GPC6: variants seen among roughly 807,000 people sequenced by gnomAD.
The protein encoded by GPC6 is glypican 6, also known as glypican-6.
A neutral mutation model predicts 55.2 loss-of-function variants in GPC6; 14 were observed. That is an observed-to-expected ratio of 0.25 (90% CI 0.17 to 0.40). The LOEUF (loss-of-function observed/expected upper bound fraction) is 0.40, where lower values mean the gene tolerates loss of function less well. Ranked by LOEUF, GPC6 falls within the 10% of genes least tolerant of loss-of-function variation. The probability of loss-of-function intolerance (pLI) is 1.00; values close to 1 mark genes in which losing one functional copy is unlikely to be tolerated. For synonymous variants in GPC6, 278 were observed against 259.6 expected, an observed-to-expected ratio of 1.07 and a Z score of -0.68; for missense variants, 641 against 708.5, an observed-to-expected ratio of 0.90 and a Z score of 1.08.
intron 2 of GPC6, among the ~76,000 whole-genome samples, chr13:93,755,016 G>A (rs572506460): frequency 6.6e-6 from 1 of 152,252 alleles, no homozygotes; most frequent in Admixed American, 6.5e-5. Flanking sequence ...ATGTAGACAG[G>A]TACTTTTACA....
At position 93,967,105 on chromosome 13, in the gene GPC6, G is replaced by GT. The variant is rs145190078; in HGVS notation, c.712-60624_712-60623insT. ...TCCAAATACAGAAAAGGATGATGATGAAAAGTATTCACACATGTGGTGGTT... is the reference window on the plus strand; with the variant it reads ...TCCAAATACAGAAAAGGATGATGATGTAAAAGTATTCACACATGTGGTGGTT... On this transcript the variant is annotated intron_variant, in intron 3 of 8. Transcript: ENST00000377047. 9.6e-4 allele frequency among the ~76,000 whole-genome samples: 146 copies of GT among 152,292 alleles called. 1 individual carries two copies. The highest frequency in any genetic ancestry group is 3.4e-3 in the Middle Eastern group (1 of 294).
chr13:94,365,218 A>G (rs554370935), intron 6 of GPC6, among the ~76,000 whole-genome samples: 10 of 152,334 alleles, frequency 6.6e-5, no homozygotes, highest in African/African-American at 2.4e-4. Context: ...TGAAACCCAT[A>G]GAAAGACTTT....
At chr13:93,883,577 T>C (rs1454047275) in intron 3 of GPC6, among the ~76,000 whole-genome samples, 1 of 152,138 alleles carries the variant, frequency 6.6e-6, no homozygotes, top group Non-Finnish European at 1.5e-5. Flanking sequence ...TTTTTTCATA[T>C]GCTTGTTGGC....
chr13:94,097,589 G>C (rs1055087111), intron 4 of GPC6, among the ~76,000 whole-genome samples: 1 of 151,348 alleles, frequency 6.6e-6, no homozygotes, highest in African/African-American at 2.4e-5. Flanking sequence ...AAGTTCTGGA[G>C]ATCTGTCTCA....
At chr13:93,724,872 T>C (rs1883578056) in intron 2 of GPC6, among the ~76,000 whole-genome samples, 1 of 152,024 alleles carries the variant, frequency 6.6e-6, no homozygotes, top group African/African-American at 2.4e-5. Flanking sequence ...GTTACATCCG[T>C]ATAAATGAGA....
intron 1 of GPC6, among the ~76,000 whole-genome samples, chr13:93,465,840 C>T (rs895760572): frequency 3.9e-5 from 6 of 152,114 alleles, no homozygotes; most frequent in African/African-American, 1.2e-4. Flanking sequence ...TAACTTTTAG[C>T]TTTTTCTTTA....
At chr13:94,111,511 T>TAAA (rs1555296890) in intron 4 of GPC6, among the ~76,000 whole-genome samples, 1 of 146,746 alleles carries the variant, frequency 6.8e-6, no homozygotes, top group African/African-American at 2.5e-5. Flanking sequence ...ATAATAATAA[T>TAAA]AAACTTCTTA....
chr13:93,305,068 G>T (rs550727957), intron 1 of GPC6, among the ~76,000 whole-genome samples: 59 of 152,194 alleles, frequency 3.9e-4, no homozygotes, highest in Non-Finnish European at 5.1e-4. Flanking sequence ...GATGGTATCA[G>T]GATTCAGCTA....
chr13:93,541,137 T>C (rs546855179), intron 1 of GPC6, among the ~76,000 whole-genome samples: 272 of 149,564 alleles, frequency 1.8e-3, no homozygotes, highest in African/African-American at 6.3e-3. Flanking sequence ...AACTCGTCAT[T>C]TAGCATTAGG....
intron 4 of GPC6, among the ~76,000 whole-genome samples, chr13:94,270,473 A>G (rs770132522): frequency 6.6e-6 from 1 of 152,182 alleles, no homozygotes. Context: ...ACAAAGGGTA[A>G]ACATTGCATA....
At chr13:93,936,911 A>G (rs878765) in intron 3 of GPC6, among the ~76,000 whole-genome samples, 51,120 of 152,118 alleles carry the variant, frequency 0.34, 8,790 homozygotes, top group Middle Eastern at 0.44. Context: ...AGCATCCTAA[A>G]TTTAGAAACC....
At chr13:93,867,727 C>T (rs1255946286) in intron 3 of GPC6, among the ~76,000 whole-genome samples, 4 of 151,736 alleles carry the variant, frequency 2.6e-5, no homozygotes, top group Non-Finnish European at 5.9e-5. Context: ...AACTCTGAGT[C>T]CTTTTCATCT....
chr13:94,187,355 A>T (rs1018516932), intron 4 of GPC6: 2 of 152,206 alleles, frequency 1.3e-5, no homozygotes, highest in Non-Finnish European at 2.9e-5. Flanking sequence ...GAAATTACAG[A>T]TTCAAATTTA....
At chr13:93,952,991 G>T (rs907149659) in intron 3 of GPC6, among the ~76,000 whole-genome samples, 5 of 150,872 alleles carry the variant, frequency 3.3e-5, no homozygotes, top group Non-Finnish European at 7.4e-5. Context: ...TCTTTCTACA[G>T]AATTCTCAAA....
chr13:94,358,675 T>A (rs1281035745), intron 6 of GPC6, among the ~76,000 whole-genome samples: 9 of 152,322 alleles, frequency 5.9e-5, no homozygotes, highest in Non-Finnish European at 1.5e-5. Context: ...GTCTAGTACC[T>A]GTGTCTGTAC....
chr13:93,736,559 C>T (rs1256320749), intron 2 of GPC6, among the ~76,000 whole-genome samples: 1 of 152,030 alleles, frequency 6.6e-6, no homozygotes, highest in African/African-American at 2.4e-5. Flanking sequence ...ATAATAACTA[C>T]AAATTTCCAA....
intron 1 of GPC6, among the ~76,000 whole-genome samples, chr13:93,274,812 G>A (rs1273293345): frequency 6.6e-6 from 1 of 152,096 alleles, no homozygotes; most frequent in African/African-American, 2.4e-5. Context: ...AGTGTTAATG[G>A]ACATGTATAT....
At chr13:94,314,542 T>G (rs1005649873) in intron 6 of GPC6, among the ~76,000 whole-genome samples, 1 of 152,228 alleles carries the variant, frequency 6.6e-6, no homozygotes, top group African/African-American at 2.4e-5. Context: ...ATTATGGAAG[T>G]CTGGATAGAC....
chr13:93,897,307 G>T, intron 3 of GPC6, among the ~76,000 whole-genome samples: 1 of 152,102 alleles, frequency 6.6e-6, no homozygotes, highest in East Asian at 1.9e-4. Context: ...TTTCAAAATA[G>T]TTAGGAGAGA....
Sources: allele counts gnomAD v4.1 joint callset (sites outside exome capture counted in the v4.1 genomes callset), GRCh38; gene constraint gnomAD v4.1.1; transcripts MANE v1.5; gene names NCBI Gene and HGNC (gene_info 2026-07-23, HGNC 2026-07-21).